KIF3A: variants seen among roughly 807,000 people sequenced by gnomAD.
KIF3A encodes kinesin-like protein KIF3A.
KIF3A carries 27 observed loss-of-function variants against 92.6 expected under a neutral mutation model. The ratio of observed to expected loss-of-function variants is 0.29; its 90% CI spans 0.21 to 0.40. The LOEUF (loss-of-function observed/expected upper bound fraction) is 0.40, where lower values mean the gene tolerates loss of function less well. Among genes scored for constraint, KIF3A ranks in the 10% least tolerant of loss-of-function variants. KIF3A has a pLI of 1.00. For missense variants in KIF3A, 581 were observed against 872.6 expected (o/e 0.67, Z 4.21); for synonymous variants, 250 against 275.4 (o/e 0.91, Z 0.92).
chr5:132,715,257 G>C (rs1581082171), intron 8 of KIF3A, among the ~76,000 whole-genome samples: 1 of 152,136 alleles, frequency 6.6e-6, no homozygotes, highest in South Asian at 2.1e-4. Flanking sequence ...TGTTAGAAAA[G>C]AATTTCCAAA....
In KIF3A at chr5:132,734,194, G is replaced by T. The variant is rs769289918; in HGVS notation, c.280+11C>A. The T allele has an allele frequency of 9.4e-6, 15 of 1,594,724 alleles. No individual in the cohort carries two copies. Among genetic ancestry groups the T allele is most frequent in the South Asian group, 6.8e-5 (6 of 88,166 alleles). ...ATAAGGGAGTTTTTTAAAAAGTAAA[G>T]ATTCACTTACCATTGTAGCCTTCAA... On this transcript the variant is annotated intron_variant, in intron 2 of 18. Transcript: ENST00000403231.
intron 18 of KIF3A, chr5:132,697,598 C>T (rs1341286533): frequency 6.6e-6 from 1 of 152,094 alleles, no homozygotes; most frequent in Admixed American, 6.6e-5. Context: ...GGCAGATCAC[C>T]TGAAGTCAGG....
At position 132,694,299 on chromosome 5, in the gene KIF3A, G is replaced by A. The variant is rs1255030894; in HGVS notation, c.*2335C>T. The A allele has an allele frequency of 1.3e-5, 2 of 151,576 alleles. No individual in the cohort carries two copies. The highest frequency in any genetic ancestry group is 2.4e-5 in the African/African-American group (1 of 41,200). The allele number at this position is 151,576 out of a possible 1,614,324, so 9.4% of individuals were successfully genotyped here. ...ATACAGCTGTAGTTCCAGCAACTCA[G>A]GAGGCTGAAGAGACAGAGGTTACAG... On this transcript the variant is annotated 3_prime_UTR_variant, in exon 19 of 19. Transcript: ENST00000403231.
At chr5:132,715,429 T>G (rs1265911232) in intron 8 of KIF3A, among the ~76,000 whole-genome samples, 1 of 152,104 alleles carries the variant, frequency 6.6e-6, no homozygotes, top group Non-Finnish European at 1.5e-5. Context: ...ATTCTGGTCA[T>G]TTTCACCTAA....
In KIF3A at chr5:132,702,592, T is replaced by G. The variant is rs749906930; in HGVS notation, c.1724A>C (p.Lys575Thr). ...EAQGKTKKLKKVWTMLMAAKS... is the reference protein window; with the variant it reads ...EAQGKTKKLKTVWTMLMAAKS... ...TGCAGCCATCAGCATAGTCCAAACT[T>G]TCTTTAACTTCTTGGTCTTTCCCTG... The change falls in exon 14 of 19, where the codon AAA becomes ACA. Residue 575 changes from lysine (K) to threonine (T), a missense_variant. Transcript: ENST00000403231. 2 of 1,612,912 alleles carry G rather than the reference T, an allele frequency of 1.2e-6. No homozygotes were observed. Among genetic ancestry groups the G allele is most frequent in the Non-Finnish European group, 1.7e-6 (2 of 1,179,444 alleles).
At chr5:132,708,774 GC>G (rs1393552887) in intron 10 of KIF3A, 132 bp downstream of exon 10, 1 of 557,576 alleles carries the variant, frequency 1.8e-6, no homozygotes, top group Non-Finnish European at 3.2e-6. Flanking sequence ...ATCATCACAT[GC>G]TTTGTTCTAC....
Position 132,703,619 on chromosome 5 carries a change from C to T in KIF3A, c.1310G>A (p.Gly437Glu). The stretch of plus-strand genomic sequence containing the variant: ...CTTGTCTGGGGAGACTTTCTTTTTT[C>T]CTATTTGAATCATTTAATTGCAACA... ...PLDKFLPNQA[G>E]KKKVSPDKMI... Residue 437 changes from glycine to glutamate, a missense_variant and splice_region_variant, in exon 12 of 19, where the codon GGA becomes GAA. Gly to Glu is a moderately conservative substitution (Grantham distance 98). This residue lies in a region of KIF3A where 167 missense variants were observed against 205.8 expected (regional missense o/e 0.81). Transcript: ENST00000403231. 6 of 1,595,204 alleles carry T rather than the reference C, an allele frequency of 3.8e-6. No individual in the cohort carries two copies. In the East Asian group the frequency reaches 1.3e-4, roughly 36 times the overall value.
At chr5:132,730,278 C>A (rs1754181132) in intron 2 of KIF3A, among the ~76,000 whole-genome samples, 1 of 151,218 alleles carries the variant, frequency 6.6e-6, no homozygotes, top group Non-Finnish European at 1.5e-5. Context: ...ACCAGCCTGG[C>A]CAATACGGTG....
At chr5:132,727,802 G>C (rs1301272215) in intron 2 of KIF3A, among the ~76,000 whole-genome samples, 1 of 152,170 alleles carries the variant, frequency 6.6e-6, no homozygotes, top group Non-Finnish European at 1.5e-5. Flanking sequence ...AGTTGGTCAG[G>C]ACACAGTGTA....
At chr5:132,727,446 G>A (rs989183809) in intron 2 of KIF3A, among the ~76,000 whole-genome samples, 1 of 152,104 alleles carries the variant, frequency 6.6e-6, no homozygotes, top group African/African-American at 2.4e-5. Context: ...TCCAGAAGAG[G>A]TAAGGTTTAG....
intron 4 of KIF3A, chr5:132,721,481 G>C (rs1027793057): frequency 6.6e-6 from 1 of 152,128 alleles, no homozygotes; most frequent in Non-Finnish European, 1.5e-5. Context: ...TTGCCAGTGG[G>C]AAAAGCCATT....
chr5:132,704,500 G>C (rs368148324), intron 11 of KIF3A, among the ~76,000 whole-genome samples: 19 of 151,858 alleles, frequency 1.3e-4, no homozygotes, highest in African/African-American at 4.6e-4. Context: ...ACATGTAATA[G>C]GTGCTCAAAG....
chr5:132,734,090 C>T, intron 2 of KIF3A, 115 bp downstream of exon 2: 1 of 843,748 alleles, frequency 1.2e-6, no homozygotes, highest in Non-Finnish European at 1.8e-6. Context: ...ATGATGGTTT[C>T]ACAACTGTAT....
intron 2 of KIF3A, among the ~76,000 whole-genome samples, chr5:132,727,103 GT>G (rs199957641): frequency 1.7e-3 from 256 of 152,286 alleles, no homozygotes; most frequent in African/African-American, 5.8e-3. Context: ...TTAAACAATT[GT>G]TTTAAAGTAA....
At chr5:132,713,733 GGAT>G (rs1358016761) in intron 8 of KIF3A, among the ~76,000 whole-genome samples, 1 of 152,014 alleles carries the variant, frequency 6.6e-6, no homozygotes, top group Non-Finnish European at 1.5e-5. Context: ...GTCCATTGGT[GGAT>G]GAATGGATAA....
At chr5:132,704,965 G>C (rs1753158091) in intron 11 of KIF3A, among the ~76,000 whole-genome samples, 1 of 151,786 alleles carries the variant, frequency 6.6e-6, no homozygotes, top group Non-Finnish European at 1.5e-5. Context: ...TATTTGTATA[G>C]AACTGTAAGT....
chr5:132,726,010 T>C (rs1754021208), intron 4 of KIF3A, 118 bp downstream of exon 4: 3 of 642,330 alleles, frequency 4.7e-6, no homozygotes, highest in Non-Finnish European at 5.4e-6. Flanking sequence ...ATTATATATG[T>C]ACGAGATTAT....
chr5:132,734,072 G>A (rs1754316328), intron 2 of KIF3A, 133 bp downstream of exon 2: 3 of 744,354 alleles, frequency 4.0e-6, no homozygotes, highest in Non-Finnish European at 6.4e-6. Context: ...TTCTAAAGCT[G>A]GATTGTGATG....
intron 8 of KIF3A, among the ~76,000 whole-genome samples, chr5:132,713,957 C>T (rs1475464072): frequency 7.8e-6 from 1 of 128,352 alleles, no homozygotes; most frequent in Non-Finnish European, 1.6e-5. Context: ...AGTGCAGTGG[C>T]ATAATCTCGG....
Sources: allele counts gnomAD v4.1 joint callset (sites outside exome capture counted in the v4.1 genomes callset), GRCh38; gene constraint gnomAD v4.1.1; regional missense constraint gnomAD v4.1.1; transcripts MANE v1.5; gene names NCBI Gene and HGNC (gene_info 2026-07-23, HGNC 2026-07-21).